The following TMEM8B variants were observed in gnomAD, a reference collection of about 807,000 sequenced individuals.
TMEM8B encodes nasopharyngeal carcinoma expressed 6.
Under a neutral mutation model 49.3 loss-of-function variants are expected in TMEM8B, and 29 were observed. The observed-to-expected ratio is 0.59, with a 90% CI of 0.44 to 0.80. The LOEUF is 0.80. Ranked by LOEUF, TMEM8B falls within the 30% of genes least tolerant of loss-of-function variation. The probability of loss-of-function intolerance (pLI) is 0.00; values close to 1 mark genes in which losing one functional copy is unlikely to be tolerated. For missense variants in TMEM8B, 575 were observed against 658.5 expected (o/e 0.87, Z 1.39); for synonymous variants, 264 against 272.8 (o/e 0.97, Z 0.32).
chr9:35,845,658 A>C, intron 6 of TMEM8B: 1 of 985,414 alleles, frequency 1.0e-6, no homozygotes, highest in Non-Finnish European at 1.2e-6. Context: ...CCTTCTCCTT[A>C]ATGAGCTAGA....
intron 6 of TMEM8B, among the ~76,000 whole-genome samples, chr9:35,844,762 C>A (rs1344093943): frequency 6.6e-6 from 1 of 152,250 alleles, no homozygotes; most frequent in Non-Finnish European, 1.5e-5. Context: ...GCCTAGCCCT[C>A]CTGCAGCCCC....
chr9:35,834,296 C>A (rs558725923), intron 1 of TMEM8B, among the ~76,000 whole-genome samples, 165 bp from the exon 2 acceptor site: 213 of 152,006 alleles, frequency 1.4e-3, no homozygotes, highest in Admixed American at 2.3e-3. Flanking sequence ...AGGATTAAAC[C>A]AGATGATGGC....
intron 10 of TMEM8B, among the ~76,000 whole-genome samples, chr9:35,848,788 C>T (rs149988269): frequency 2.7e-3 from 402 of 151,280 alleles, no homozygotes; most frequent in African/African-American, 8.4e-3. Context: ...GATTCTCCTG[C>T]CTCAGCCTCC....
rs1452896587 is a variant in TMEM8B at position 35,846,805 on chromosome 9, C to A, written c.1997-12C>A. On this transcript the variant is annotated splice_polypyrimidine_tract_variant and intron_variant, in intron 9 of 12. Coordinates refer to ENST00000643932, the MANE Select transcript of TMEM8B (RefSeq NM_001042590.4). ...TCTGTTCTCTTCCATTCTGTGCCTT[C>A]CCCACCCGCAGGGTGGAGAGGCTGG... The A allele has an allele frequency of 6.2e-7, 1 of 1,608,552 alleles. No homozygotes were observed. Among genetic ancestry groups the A allele is most frequent in the Non-Finnish European group, 8.5e-7 (1 of 1,177,312 alleles).
intron 10 of TMEM8B, among the ~76,000 whole-genome samples, chr9:35,847,952 A>C (rs1386139410): frequency 1.3e-5 from 2 of 152,226 alleles, no homozygotes; most frequent in African/African-American, 4.8e-5. Flanking sequence ...TCTTGGCACC[A>C]TGTGACATGC....
At chr9:35,833,296 T>A in intron 1 of TMEM8B, 1 of 985,274 alleles carries the variant, frequency 1.0e-6, no homozygotes, top group Non-Finnish European at 1.2e-6. Flanking sequence ...CCCGGGTCTG[T>A]CCTGAAGCTG....
At position 35,853,737 on chromosome 9, in the gene TMEM8B, C is replaced by G. The variant is rs192251432; in HGVS notation, c.2672C>G (p.Ala891Gly). 6.2e-7 allele frequency: 1 copy of G among 1,613,410 alleles called. No homozygotes were observed. Among genetic ancestry groups the G allele is most frequent in the Admixed American group, 1.7e-5 (1 of 59,984 alleles). Reference sequence around the variant, plus strand: ...ACTGACCACGGGGTCCCATCTGGAGCCCGGGCCCGGGGCTGTGGTTACCAG... The same window carrying G: ...ACTGACCACGGGGTCCCATCTGGAGGCCGGGCCCGGGGCTGTGGTTACCAG... The part of the protein sequence containing the change: ...AKTDHGVPSG[A>G]RARGCGYQLC... Residue 891 changes from alanine (A) to glycine (G), a missense_variant, in exon 13 of 13, where the codon GCC becomes GGC. Physicochemically the swap from Ala to Gly is moderately conservative, Grantham distance 60 (BLOSUM62 0). Transcript: ENST00000643932. The surrounding 1 kb of genome is among the most constrained non-coding windows in gnomAD (Gnocchi z 4.2).
chr9:35,845,775 G>T (rs1353651047), intron 6 of TMEM8B, 200 bp from the exon 7 acceptor site: 2 of 985,318 alleles, frequency 2.0e-6, no homozygotes, highest in African/African-American at 1.7e-5. Flanking sequence ...GTCCTTGAAA[G>T]ATTTCTGCTG....
chr9:35,833,875 C>T (rs911186109), intron 1 of TMEM8B, among the ~76,000 whole-genome samples: 3 of 152,140 alleles, frequency 2.0e-5, no homozygotes, highest in Non-Finnish European at 2.9e-5. Context: ...ATACAGGCAG[C>T]GCTTGTGAGG....
At chr9:35,843,135 C>A (rs1831188483) in intron 6 of TMEM8B, among the ~76,000 whole-genome samples, 3 of 152,144 alleles carry the variant, frequency 2.0e-5, no homozygotes. Context: ...GAATTTTTTA[C>A]CCACTCATCT....
rs200479301 is a variant in TMEM8B at position 35,842,524 on chromosome 9, C to T, written c.1442C>T (p.Thr481Met). ...ACCCCTGCGGAGGGGCCTGGGACCACGTCCCCACCCGAGCACTGCTGGCCA... is the reference window on the plus strand; with the variant it reads ...ACCCCTGCGGAGGGGCCTGGGACCATGTCCCCACCCGAGCACTGCTGGCCA... ...LGTPAEGPGT[T>M]SPPEHCWPVR... The change falls in exon 6 of 13, where the codon ACG becomes ATG. Residue 481 changes from threonine to methionine, a missense_variant. Transcript: ENST00000643932. The surrounding 1 kb of genome is among the most constrained non-coding windows in gnomAD (Gnocchi z 5.6). 5.4e-5 allele frequency: 87 copies of T among 1,613,676 alleles called. No individual in the cohort carries two copies. Among genetic ancestry groups the T allele is most frequent in the African/African-American group, 8.0e-5 (6 of 74,934 alleles).
chr9:35,854,139 G>A lies in TMEM8B; in HGVS notation c.*299G>A. 3.0e-6 allele frequency: 2 copies of A among 656,256 alleles called. No homozygotes were observed. Among genetic ancestry groups the A allele is most frequent in the African/African-American group, 1.9e-5 (1 of 53,296 alleles). The allele number at this position is 656,256 out of a possible 1,614,324, so 40.7% of individuals were successfully genotyped here. A position where few individuals can be genotyped will look rare whatever the true frequency, so the allele number is the denominator to read the frequency against. On this transcript the variant is annotated 3_prime_UTR_variant, in exon 13 of 13. Transcript: ENST00000643932. ...TGTGGAGCCTTTCCTGGGATGCAGA[G>A]CCTTCCCAAGACATGGATTCCTTCC...
rs913926320 is a variant in TMEM8B, at chr9:35,842,074, C to T, written c.1309+280C>T. 6.6e-6 allele frequency among the ~76,000 whole-genome samples: 1 copy of T among 152,166 alleles called. No individual in the cohort carries two copies. The highest frequency in any genetic ancestry group is 1.5e-5 in the Non-Finnish European group (1 of 68,018). On this transcript the variant is annotated intron_variant, in intron 5 of 12. Transcript: ENST00000643932. The surrounding 1 kb of genome is among the most constrained non-coding windows in gnomAD (Gnocchi z 5.6). The stretch of plus-strand genomic sequence containing the variant: ...TGGGGTAGGCAGGGACATCCAGGAC[C>T]TCTGGGACACTGTCCTTGCCAAAGC...
rs781434466 is a variant in TMEM8B at position 35,853,528 on chromosome 9, G to C, written c.2463G>C (p.Arg821=). 11 of 1,613,668 alleles carry C rather than the reference G, an allele frequency of 6.8e-6. No homozygotes were observed. In the East Asian group the frequency reaches 2.2e-4, roughly 33 times the overall value. Residue 821 remains arginine, a synonymous_variant, in exon 13 of 13, where the codon CGG becomes CGC. Coordinates refer to ENST00000643932, the MANE Select transcript of TMEM8B (RefSeq NM_001042590.4). This position sits in a 1 kb window ranked among gnomAD's most constrained non-coding sequence, Gnocchi z 4.2. ...AGACAGTACGCAGCGTCCGCCGCCG[G>C]CACTGCTACCCACCCACGTGGCGCC... ...TAWTVRSVRR[R]HCYPPTWRRW...
At chr9:35,847,338 A>G (rs1831703340) in intron 10 of TMEM8B, 3 of 619,172 alleles carry the variant, frequency 4.8e-6, no homozygotes, top group South Asian at 1.9e-5. Context: ...CACAGTCACC[A>G]TGTTCTCTGT....
In TMEM8B at chr9:35,853,200, A is replaced by C; in HGVS notation, c.2382A>C (p.Gly794=). ...TGGCTCTGCAGCTTGACCGACATGG[A>C]CTCTGGAACCTGCTTGGACCCAGTC... ...LSMALQLDRH[G]LWNLLGPSLF... Residue 794 remains glycine, a synonymous_variant, in exon 12 of 13, where the codon GGA becomes GGC. Transcript: ENST00000643932. The surrounding 1 kb of genome is among the most constrained non-coding windows in gnomAD (Gnocchi z 4.2). 1.9e-6 allele frequency: 3 copies of C among 1,613,734 alleles called. No homozygotes were observed. The highest frequency in any genetic ancestry group is 2.5e-6 in the Non-Finnish European group (3 of 1,179,934).
chr9:35,831,887 G>C (rs1829939044), intron 1 of TMEM8B, among the ~76,000 whole-genome samples: 1 of 152,198 alleles, frequency 6.6e-6, no homozygotes, highest in African/African-American at 2.4e-5. Flanking sequence ...AGGGTGCTCT[G>C]TGACCTAATG....
At chr9:35,840,482 C>G (rs529980816) in intron 3 of TMEM8B, among the ~76,000 whole-genome samples, 1 of 152,268 alleles carries the variant, frequency 6.6e-6, no homozygotes, top group East Asian at 1.9e-4. Flanking sequence ...TCAAATAGGA[C>G]AGGGTTCCTG....
In TMEM8B at chr9:35,845,970, C is replaced by T. The variant is rs374198627; in HGVS notation, c.1636-5C>T. On this transcript the variant is annotated splice_polypyrimidine_tract_variant and splice_region_variant and intron_variant, in intron 6 of 12. Coordinates refer to ENST00000643932, the MANE Select transcript of TMEM8B (RefSeq NM_001042590.4). ...CGGCCTCACTTCCATACCTGCCCTC[C>T]CCAGAGCTCCGTGCGCCAGGAAAAC... 6.2e-7 allele frequency: 1 copy of T among 1,613,722 alleles called. No homozygotes were observed. Among genetic ancestry groups the T allele is most frequent in the Non-Finnish European group, 8.5e-7 (1 of 1,179,910 alleles).
Sources: allele counts gnomAD v4.1 joint callset (sites outside exome capture counted in the v4.1 genomes callset), GRCh38; gene constraint gnomAD v4.1.1; non-coding constraint Gnocchi (gnomAD v3.1); transcripts MANE v1.5; gene names NCBI Gene and HGNC (gene_info 2026-07-23, HGNC 2026-07-21).